The following B3GNT3 variants were observed in gnomAD, a reference collection of about 807,000 sequenced individuals.
B3GNT3 encodes N-acetyllactosaminide beta-1,3-N-acetylglucosaminyltransferase 3.
In B3GNT3, 7 loss-of-function variants were observed where a neutral mutation model predicts 11.6. The observed-to-expected ratio is 0.60, with a 90% confidence interval of 0.34 to 1.13. The LOEUF is 1.13. B3GNT3 is among the 50% of genes most tolerant of loss of function. B3GNT3 has a pLI of 0.03. For missense variants in B3GNT3, 400 were observed against 507.4 expected, an observed-to-expected ratio of 0.79 and a Z score of 2.03; for synonymous variants, 201 against 222.1, an observed-to-expected ratio of 0.90 and a Z score of 0.85.
At chr19:17,809,372 G>C (rs1403681327) in intron 2 of B3GNT3, among the ~76,000 whole-genome samples, 2 of 151,930 alleles carry the variant, frequency 1.3e-5, no homozygotes, top group African/African-American at 4.8e-5. Context: ...CCAAGAGTTT[G>C]AGGCCAGCCT....
rs1286270349 is a variant in B3GNT3, at chr19:17,808,172, G to C, written c.365G>C (p.Arg122Pro). 6 of 1,610,664 alleles carry C rather than the reference G, an allele frequency of 3.7e-6. No homozygotes were observed. Among genetic ancestry groups the C allele is most frequent in the Non-Finnish European group, 5.1e-6 (6 of 1,178,256 alleles). Residue 122 changes from arginine to proline, a missense_variant, in exon 2 of 3, where the codon CGC becomes CCC. Physicochemically the swap from Arg to Pro is moderately radical, Grantham distance 103. Coordinates refer to ENST00000318683, the MANE Select transcript of B3GNT3 (RefSeq NM_014256.4). The part of the protein sequence containing the change: ...VIKSSPSNYV[R>P]RELLRRTWGR... ...AAGTCCTCCCCTAGCAACTATGTGC[G>C]CCGCGAGCTGCTGCGGCGCACGTGG...
At chr19:17,796,830 G>C (rs2094160037) in intron 1 of B3GNT3, among the ~76,000 whole-genome samples, 1 of 152,142 alleles carries the variant, frequency 6.6e-6, no homozygotes, top group African/African-American at 2.4e-5. Flanking sequence ...GAGCAAGTAA[G>C]GGCTCACTGA....
In B3GNT3 at chr19:17,811,174, G is replaced by A. The variant is rs188595276; in HGVS notation, c.568-397G>A. 1.1e-4 allele frequency among the ~76,000 whole-genome samples: 17 copies of A among 152,200 alleles called. No individual in the cohort carries two copies. In the South Asian group the frequency reaches 2.7e-3, roughly 24 times the overall value. On this transcript the variant is annotated intron_variant, in intron 2 of 2. Coordinates refer to ENST00000318683, the MANE Select transcript of B3GNT3 (RefSeq NM_014256.4). This position sits in a 1 kb window ranked among gnomAD's most constrained non-coding sequence, Gnocchi z 4.1. ...GGCTGCAATGAACTATGATCATAGCGCTACACTCTAGCCTGGGCAATAGAG... is the reference window on the plus strand; with the variant it reads ...GGCTGCAATGAACTATGATCATAGCACTACACTCTAGCCTGGGCAATAGAG...
At position 17,812,207 on chromosome 19, in the gene B3GNT3, G is replaced by T; in HGVS notation, c.*85G>T. 2.8e-6 allele frequency: 4 copies of T among 1,420,998 alleles called. No individual in the cohort carries two copies. In the East Asian group the frequency reaches 9.6e-5, roughly 34 times the overall value. The allele number at this position is 1,420,998 out of a possible 1,614,324, so 88.0% of individuals were successfully genotyped here. A position where few individuals can be genotyped will look rare whatever the true frequency, so the allele number is the denominator to read the frequency against. On this transcript the variant is annotated 3_prime_UTR_variant, in exon 3 of 3. Coordinates refer to ENST00000318683, the MANE Select transcript of B3GNT3 (RefSeq NM_014256.4). ...CCTCCCAGGAAGCTGAGACCTTTGT[G>T]GTCTGAGCATAAGGGAGTGCCAGGG...
Position 17,807,963 on chromosome 19 carries a change from A to ACC in B3GNT3, c.158_159dup (p.Thr54ProfsTer60). On this transcript the variant is annotated frameshift_variant, in exon 2 of 3. Coordinates refer to ENST00000318683, the MANE Select transcript of B3GNT3 (RefSeq NM_014256.4). LOFTEE classifies it high-confidence loss of function. The stretch of plus-strand genomic sequence containing the variant: ...CCGAGGCCCTGGCCTGGCCCACTCC[A>ACC]CCCACCCGCCCAGCCCCGGCCCCGT... 5 of 1,223,210 alleles carry ACC rather than the reference A, an allele frequency of 4.1e-6. No homozygotes were observed. Among genetic ancestry groups the ACC allele is most frequent in the Admixed American group, 1.8e-5 (1 of 54,306 alleles). The allele number at this position is 1,223,210 out of a possible 1,614,324, so 75.8% of individuals were successfully genotyped here.
chr19:17,799,623 G>A (rs183411371), intron 1 of B3GNT3, among the ~76,000 whole-genome samples: 3 of 151,982 alleles, frequency 2.0e-5, no homozygotes, highest in Admixed American at 6.6e-5. Context: ...CCAGCTACTC[G>A]GCCCAGGTCC....
intron 1 of B3GNT3, among the ~76,000 whole-genome samples, chr19:17,795,841 C>A (rs892685417): frequency 6.6e-6 from 1 of 152,092 alleles, no homozygotes; most frequent in Non-Finnish European, 1.5e-5. Context: ...CCACTGGGGG[C>A]CCTTGCGTGA....
At chr19:17,810,224 C>T (rs375791376) in intron 2 of B3GNT3, among the ~76,000 whole-genome samples, 2 of 152,050 alleles carry the variant, frequency 1.3e-5, no homozygotes, top group South Asian at 4.1e-4. Flanking sequence ...GGCACAGTGG[C>T]TCATGCCTAT....
chr19:17,795,681 G>C (rs907766843), intron 1 of B3GNT3, among the ~76,000 whole-genome samples: 1 of 152,202 alleles, frequency 6.6e-6, no homozygotes, highest in Non-Finnish European at 1.5e-5. Context: ...GTGGCTGGGC[G>C]GCATTCCAGG....
Position 17,807,967 on chromosome 19 carries a change from A to ACC in B3GNT3, c.162_163dup (p.Arg55ProfsTer59). 4.1e-6 allele frequency: 3 copies of ACC among 737,822 alleles called. No homozygotes were observed. Among genetic ancestry groups the ACC allele is most frequent in the Non-Finnish European group, 1.9e-6 (1 of 531,306 alleles). The allele number at this position is 737,822 out of a possible 1,614,324, so 45.7% of individuals were successfully genotyped here. A position where few individuals can be genotyped will look rare whatever the true frequency, so the allele number is the denominator to read the frequency against. ...GGCCCTGGCCTGGCCCACTCCACCC[A>ACC]CCCGCCCAGCCCCGGCCCCGTGCCA... On this transcript the variant is annotated frameshift_variant, in exon 2 of 3. Transcript: ENST00000318683. LOFTEE classifies it high-confidence loss of function.
chr19:17,808,413 CCTT>C (rs1369030637), intron 2 of B3GNT3, 39 bp downstream of exon 2: 2 of 1,548,094 alleles, frequency 1.3e-6, no homozygotes, highest in Non-Finnish European at 1.7e-6. Context: ...GGCCACCTGT[CCTT>C]CTTGTCCAAA....
intron 1 of B3GNT3, among the ~76,000 whole-genome samples, chr19:17,798,627 C>T (rs757472838): frequency 2.5e-4 from 38 of 151,690 alleles, no homozygotes; most frequent in Non-Finnish European, 3.2e-4. Context: ...GCCAAGATAG[C>T]ACCACTGCAC....
intron 1 of B3GNT3, among the ~76,000 whole-genome samples, chr19:17,799,139 G>C (rs1465229319): frequency 6.6e-6 from 1 of 152,026 alleles, no homozygotes; most frequent in African/African-American, 2.4e-5. Flanking sequence ...TCCACCTCTT[G>C]CCTTGCCTTT....
chr19:17,812,030 G>C lies in B3GNT3; in HGVS notation c.1027G>C (p.Val343Leu), dbSNP rs1474462083. The change falls in exon 3 of 3, where the codon GTG (valine) becomes CTG (leucine). Residue 343 changes from valine (V) to leucine (L), a missense_variant. Physicochemically the swap from Val to Leu is conservative, Grantham distance 32. Coordinates refer to ENST00000318683, the MANE Select transcript of B3GNT3 (RefSeq NM_014256.4). ...CTGCTTCTACCGAGACCTGCTGCTG[G>C]TGCACCGCTTCCTACCTTATGAGAT... ...DPCFYRDLLL[V>L]HRFLPYEMLL... is the part of the protein sequence containing the mutation. The C allele has an allele frequency of 6.3e-7, 1 of 1,599,754 alleles. No homozygotes were observed. Among genetic ancestry groups the C allele is most frequent in the Non-Finnish European group, 8.5e-7 (1 of 1,179,934 alleles).
chr19:17,808,170 G>A lies in B3GNT3; in HGVS notation c.363G>A (p.Val121=), dbSNP rs2094176127. ...TCAAGTCCTCCCCTAGCAACTATGTGCGCCGCGAGCTGCTGCGGCGCACGT... is the reference window on the plus strand; with the variant it reads ...TCAAGTCCTCCCCTAGCAACTATGTACGCCGCGAGCTGCTGCGGCGCACGT... The part of the protein sequence containing the change: ...LVIKSSPSNY[V]RRELLRRTWG... The change falls in exon 2 of 3, where the codon GTG becomes GTA. Residue 121 remains valine (V), a synonymous_variant. Transcript: ENST00000318683. 1 of 1,611,264 alleles carries A rather than the reference G, an allele frequency of 6.2e-7. No homozygotes were observed. Among genetic ancestry groups the A allele is most frequent in the Non-Finnish European group, 8.5e-7 (1 of 1,178,506 alleles).
rs1463179681 is a variant in B3GNT3, at chr19:17,809,033, C to A, written c.567+659C>A. Among the ~76,000 whole-genome samples the A allele has an allele frequency of 3.9e-5, 6 of 152,016 alleles. No individual in the cohort carries two copies. The East Asian group carries it at 9.7e-4, about 25-fold the overall frequency. On this transcript the variant is annotated intron_variant, in intron 2 of 2. Transcript: ENST00000318683. Reference sequence around the variant, plus strand: ...ATTTTGAGTAGAGACGGGGTTTCACCCTGTTGGCCAGGGTAATCTCGAACT... The same window carrying A: ...ATTTTGAGTAGAGACGGGGTTTCACACTGTTGGCCAGGGTAATCTCGAACT...
At chr19:17,801,621 C>A (rs1486260335) in intron 1 of B3GNT3, among the ~76,000 whole-genome samples, 1 of 151,974 alleles carries the variant, frequency 6.6e-6, no homozygotes, top group Admixed American at 6.6e-5. Flanking sequence ...GTAGCTGGGA[C>A]TACAGGTGCA....
rs2094180051 is a variant in B3GNT3 at position 17,811,067 on chromosome 19, A to G, written c.568-504A>G. Among the ~76,000 whole-genome samples the G allele has an allele frequency of 6.6e-6, 1 of 151,328 alleles. No homozygotes were observed. Among genetic ancestry groups the G allele is most frequent in the South Asian group, 2.1e-4 (1 of 4,772 alleles). Reference sequence around the variant, plus strand: ...CTTAAAAAAAAAAAAATTATTAGCCAGGAGTAAGTAGCGGCATGTGTCTGT... The same window carrying G: ...CTTAAAAAAAAAAAAATTATTAGCCGGGAGTAAGTAGCGGCATGTGTCTGT... On this transcript the variant is annotated intron_variant, in intron 2 of 2. Coordinates refer to ENST00000318683, the MANE Select transcript of B3GNT3 (RefSeq NM_014256.4). This position sits in a 1 kb window ranked among gnomAD's most constrained non-coding sequence, Gnocchi z 4.1.
rs973773010 is a variant in B3GNT3 at position 17,812,103 on chromosome 19, A to G, written c.1100A>G (p.Asn367Ser). ...ALNQPNLTCG[N>S]QTQIY ...AACCAGCCCAACCTCACCTGCGGCA[A>G]TCAGACACAGATCTACTGAGTCAGC... The change falls in exon 3 of 3, where the codon AAT (asparagine) becomes AGT (serine). Residue 367 changes from asparagine to serine, a missense_variant. Asn to Ser is a conservative substitution (Grantham distance 46). Coordinates refer to ENST00000318683, the MANE Select transcript of B3GNT3 (RefSeq NM_014256.4). The G allele has an allele frequency of 8.8e-6, 14 of 1,596,386 alleles. No homozygotes were observed. In the African/African-American group the frequency reaches 1.7e-4, roughly 20 times the overall value.
Sources: allele counts gnomAD v4.1 joint callset (sites outside exome capture counted in the v4.1 genomes callset), GRCh38; gene constraint gnomAD v4.1.1; non-coding constraint Gnocchi (gnomAD v3.1); transcripts MANE v1.5; gene names NCBI Gene and HGNC (gene_info 2026-07-23, HGNC 2026-07-21).